TENM1: variants seen among roughly 807,000 people sequenced by gnomAD.
TENM1 encodes the protein teneurin-1.
A neutral mutation model predicts 174.8 loss-of-function variants in TENM1; 35 were observed. The ratio of observed to expected loss-of-function variants is 0.20; its 90% CI spans 0.15 to 0.27. The LOEUF is 0.27. Among genes scored for constraint, TENM1 ranks in the 10% least tolerant of loss-of-function variants. TENM1 has a pLI of 1.00. For synonymous variants in TENM1, 781 were observed against 798.7 expected (o/e 0.98, Z 0.37); for missense variants, 1,633 against 2,130.1 (o/e 0.77, Z 4.59).
At chrX:124,676,384 G>A (rs2052087923) in intron 5 of TENM1, among the ~76,000 whole-genome samples, 1 of 91,200 alleles carries the variant, frequency 1.1e-5, no homozygotes, top group Non-Finnish European at 2.2e-5. Flanking sequence ...GCATTTCACT[G>A]AAATTCAATG....
At chrX:124,566,620 C>A (rs1015886098) in intron 11 of TENM1, among the ~76,000 whole-genome samples, 1 of 112,238 alleles carries the variant, frequency 8.9e-6, no homozygotes, top group African/African-American at 3.2e-5. Flanking sequence ...TTCACAGTCT[C>A]AAATTCTGAA....
chrX:124,511,452 T>C (rs112437254), intron 18 of TENM1, among the ~76,000 whole-genome samples: 310 of 110,937 alleles, frequency 2.8e-3, no homozygotes, highest in Non-Finnish European at 4.7e-3. Context: ...CTCAGTAAGG[T>C]GGGTTGGTTA....
intron 5 of TENM1, among the ~76,000 whole-genome samples, chrX:124,686,925 G>A (rs2052380233): frequency 2.7e-5 from 3 of 111,448 alleles, no homozygotes; most frequent in Admixed American, 9.6e-5. Context: ...GGCAGGGCAA[G>A]CAGGCAAGAG....
chrX:124,646,533 G>A (rs2051164055), intron 9 of TENM1, among the ~76,000 whole-genome samples, 176 bp downstream of exon 12: 1 of 112,376 alleles, frequency 8.9e-6, no homozygotes, highest in African/African-American at 3.2e-5. Flanking sequence ...AACACAAAGT[G>A]TTTAGAACAG....
the TENM1 span, among the ~76,000 whole-genome samples, chrX:125,053,039 A>G: frequency 8.9e-6 from 1 of 112,371 alleles, no homozygotes; most frequent in East Asian, 2.8e-4. Flanking sequence ...ATTTGTAATT[A>G]AAACATTTTA....
chrX:124,921,900 C>G (rs1046457495), intron 1 of TENM1, among the ~76,000 whole-genome samples: 1 of 111,541 alleles, frequency 9.0e-6, no homozygotes, highest in African/African-American at 3.2e-5. Flanking sequence ...TTCATTAATA[C>G]TTTTTATATT....
chrX:125,163,743 A>T, the TENM1 span, among the ~76,000 whole-genome samples: 1 of 111,456 alleles, frequency 9.0e-6, no homozygotes, highest in Non-Finnish European at 1.9e-5. Flanking sequence ...TATTAATATA[A>T]TTTTTAATTT....
chrX:124,943,628 T>C (rs1393118132), intron 1 of TENM1, among the ~76,000 whole-genome samples: 1 of 112,187 alleles, frequency 8.9e-6, no homozygotes, highest in Non-Finnish European at 1.9e-5. Flanking sequence ...AATTATCTAA[T>C]TGGCTAATGT....
chrX:124,544,929 G>A (rs2048397152), intron 15 of TENM1, among the ~76,000 whole-genome samples: 1 of 110,729 alleles, frequency 9.0e-6, no homozygotes, highest in Non-Finnish European at 1.9e-5. Context: ...ATGTTTGTTT[G>A]CTTTGTAAAC....
At chrX:124,780,021 AC>A (rs201191779) in intron 3 of TENM1, among the ~76,000 whole-genome samples, 2,310 of 111,345 alleles carry the variant, frequency 0.021, 19 homozygotes, top group Middle Eastern at 0.056. Context: ...GGTTTTAGAT[AC>A]CCCCCATTTT....
chrX:124,631,193 C>T (rs2050747655), intron 11 of TENM1, among the ~76,000 whole-genome samples: 1 of 111,732 alleles, frequency 8.9e-6, no homozygotes, highest in Non-Finnish European at 1.9e-5. Flanking sequence ...AACCATGTTT[C>T]ATGTAACCAA....
At chrX:125,109,492 C>A in the TENM1 span, among the ~76,000 whole-genome samples, 104 of 110,950 alleles carry the variant, frequency 9.4e-4, no homozygotes, top group Admixed American at 3.8e-4. Context: ...TTAAGCCCAG[C>A]ACCCATTAGC....
exon 32 of TENM1, chrX:124,381,216 G>C (rs754871275): frequency 8.3e-7 from 1 of 1,206,236 alleles, no homozygotes; most frequent in South Asian, 1.8e-5. Flanking sequence ...TCATTGTATC[G>C]GGGAGTCATA....
intron 15 of TENM1, among the ~76,000 whole-genome samples, chrX:124,536,796 T>C (rs1445600317): frequency 8.9e-6 from 1 of 112,173 alleles, no homozygotes; most frequent in Non-Finnish European, 1.9e-5. Flanking sequence ...TTGAATAGTC[T>C]GAAGTTAGTT....
chrX:124,406,594 T>C (rs1250281595), intron 25 of TENM1, 105 bp from the exon 29 acceptor site: 8 of 475,741 alleles, frequency 1.7e-5, no homozygotes, highest in Non-Finnish European at 2.8e-5. Flanking sequence ...CTTTGAGTGA[T>C]AACAAGTATT....
the TENM1 span, among the ~76,000 whole-genome samples, chrX:125,150,769 A>G: frequency 8.9e-6 from 1 of 112,750 alleles, no homozygotes; most frequent in Non-Finnish European, 1.9e-5. Context: ...GATTGGGTAA[A>G]CAAGCTGCAC....
chrX:124,681,413 G>C (rs2052230239), intron 5 of TENM1, among the ~76,000 whole-genome samples: 1 of 111,967 alleles, frequency 8.9e-6, no homozygotes, highest in South Asian at 3.7e-4. Context: ...GTGTTCTTCT[G>C]AAAGAGTCAC....
intron 14 of TENM1, among the ~76,000 whole-genome samples, chrX:124,558,648 G>T (rs2048745883): frequency 9.0e-6 from 1 of 111,383 alleles, no homozygotes; most frequent in Non-Finnish European, 1.9e-5. Context: ...ATTCTCAGGG[G>T]TAATATTTGA....
In TENM1 at chrX:124,734,942, T is replaced by A. The variant is rs5956685; in HGVS notation, c.776+2015A>T. Among the ~76,000 whole-genome samples, 102 of 111,768 alleles carry A rather than the reference T, an allele frequency of 9.1e-4. 2 individuals carry two copies. The highest frequency in any genetic ancestry group is 3.2e-3 in the African/African-American group (98 of 30,761). Reference sequence around the variant, plus strand: ...TCCCTCACTGTATACAAAAATTAACTCAAGATGGATTAAATACTTAAATAT... The same window carrying A: ...TCCCTCACTGTATACAAAAATTAACACAAGATGGATTAAATACTTAAATAT... On this transcript the variant is annotated intron_variant, in intron 4 of 31. Transcript: ENST00000422452.
Sources: gnomAD v4.1 joint callset for allele counts (sites outside exome capture counted in the v4.1 genomes callset) on GRCh38, gnomAD v4.1.1 for gene constraint, MANE v1.5 for transcripts, NCBI Gene and HGNC (gene_info 2026-07-23, HGNC 2026-07-21) for gene names.